Variants in SUGCT observed in about 807,000 individuals in gnomAD.
The protein encoded by SUGCT is succinyl-CoA:glutarate-CoA transferase, also known as succinyl-CoA:glutarate CoA-transferase.
SUGCT carries 41 observed loss-of-function variants against 55.0 expected under a neutral mutation model. The observed-to-expected ratio is 0.74, with a 90% CI of 0.58 to 0.97. The LOEUF (loss-of-function observed/expected upper bound fraction) is 0.97. Ranked by LOEUF, SUGCT falls within the 50% of genes least tolerant of loss-of-function variation. The pLI, the probability that SUGCT is intolerant of heterozygous loss-of-function variation, is 0.00. For synonymous variants in SUGCT, 187 were observed against 200.4 expected (o/e 0.93, Z 0.56); for missense variants, 568 against 547.8 (o/e 1.04, Z -0.37).
intron 9 of SUGCT, among the ~76,000 whole-genome samples, chr7:40,403,220 T>A (rs1786176979): frequency 6.6e-6 from 1 of 152,200 alleles, no homozygotes; most frequent in East Asian, 1.9e-4. Context: ...AAAATGCAAG[T>A]GCTTTTGTTG....
chr7:40,582,598 C>T (rs556451686), intron 12 of SUGCT, among the ~76,000 whole-genome samples: 1 of 152,266 alleles, frequency 6.6e-6, no homozygotes, highest in East Asian at 1.9e-4. Flanking sequence ...GAGTTCCTTT[C>T]TTCGTATGCT....
intron 9 of SUGCT, among the ~76,000 whole-genome samples, chr7:40,401,087 T>G (rs1358974201): frequency 1.3e-5 from 2 of 152,192 alleles, no homozygotes; most frequent in Non-Finnish European, 2.9e-5. Flanking sequence ...TCTTAACTTT[T>G]GAGATTAAGG....
the SUGCT span, chr7:40,967,275 G>C: frequency 1.3e-5 from 2 of 152,220 alleles, no homozygotes; most frequent in Non-Finnish European, 2.9e-5. Flanking sequence ...CAGAGGCAGG[G>C]ATGTTATCCT....
At chr7:40,844,590 G>A (rs1402357603) in intron 13 of SUGCT, among the ~76,000 whole-genome samples, 3 of 152,124 alleles carry the variant, frequency 2.0e-5, no homozygotes, top group Non-Finnish European at 4.4e-5. Context: ...GTTTTTATGG[G>A]TACAGGGTTG....
At chr7:40,839,179 A>C (rs1584516171) in intron 13 of SUGCT, among the ~76,000 whole-genome samples, 1 of 152,162 alleles carries the variant, frequency 6.6e-6, no homozygotes, top group Non-Finnish European at 1.5e-5. Context: ...ATTTTTAGAC[A>C]TAAGATTATG....
intron 12 of SUGCT, among the ~76,000 whole-genome samples, chr7:40,626,201 C>G (rs1183041663): frequency 6.6e-6 from 1 of 152,058 alleles, no homozygotes; most frequent in Non-Finnish European, 1.5e-5. Flanking sequence ...AAGCTTCCCC[C>G]AGACTCTGTG....
intron 12 of SUGCT, 91 bp downstream of exon 12, chr7:40,496,477 C>A (rs1347485838): frequency 9.3e-6 from 8 of 864,604 alleles, no homozygotes; most frequent in African/African-American, 1.7e-5. Flanking sequence ...GCTTAAGTCA[C>A]ATGATGTGAA....
At chr7:40,942,616 G>A in the SUGCT span, among the ~76,000 whole-genome samples, 3 of 152,032 alleles carry the variant, frequency 2.0e-5, no homozygotes, top group Non-Finnish European at 2.9e-5. Flanking sequence ...CTCCAGCAAC[G>A]CCCAGGAGGT....
chr7:40,460,768 A>G (rs1375645312), intron 11 of SUGCT, among the ~76,000 whole-genome samples: 1 of 152,222 alleles, frequency 6.6e-6, no homozygotes, highest in African/African-American at 2.4e-5. Flanking sequence ...TGAATTATAT[A>G]ATCTGCAACC....
chr7:40,458,504 G>A (rs1789607728), intron 10 of SUGCT, among the ~76,000 whole-genome samples: 3 of 152,208 alleles, frequency 2.0e-5, no homozygotes, highest in South Asian at 4.1e-4. Context: ...TCTATAGGAA[G>A]AAGATCTTTT....
intron 7 of SUGCT, among the ~76,000 whole-genome samples, chr7:40,242,977 C>T (rs1271622574): frequency 1.1e-5 from 1 of 92,432 alleles, no homozygotes; most frequent in African/African-American, 4.2e-5. Context: ...CAAGGTCTCA[C>T]TCTGTTGCCC....
intron 12 of SUGCT, among the ~76,000 whole-genome samples, chr7:40,497,631 A>G (rs575905789): frequency 8.0e-4 from 122 of 152,294 alleles, no homozygotes; most frequent in African/African-American, 2.8e-3. Flanking sequence ...CTCTGAATAT[A>G]GTAGACCAGG....
intron 12 of SUGCT, among the ~76,000 whole-genome samples, chr7:40,643,990 C>G (rs1256552083): frequency 6.6e-6 from 1 of 152,140 alleles, no homozygotes. Context: ...GCGTCTGCCT[C>G]TGGAAAACCT....
chr7:40,662,788 T>A (rs1419179726), intron 12 of SUGCT, among the ~76,000 whole-genome samples: 1 of 152,222 alleles, frequency 6.6e-6, no homozygotes, highest in African/African-American at 2.4e-5. Context: ...GATCTCAACA[T>A]ATTTTATATT....
At chr7:40,390,739 C>T (rs1402516741) in intron 9 of SUGCT, among the ~76,000 whole-genome samples, 1 of 152,160 alleles carries the variant, frequency 6.6e-6, no homozygotes, top group African/African-American at 2.4e-5. Context: ...ATGCCATCCC[C>T]ATCAAGCTAC....
chr7:40,537,562 A>C (rs923201387), intron 12 of SUGCT, among the ~76,000 whole-genome samples: 1 of 152,226 alleles, frequency 6.6e-6, no homozygotes, highest in South Asian at 2.1e-4. Context: ...AGGCAAAGTC[A>C]CATGTGCTTG....
intron 9 of SUGCT, among the ~76,000 whole-genome samples, chr7:40,326,674 G>A (rs1038462042): frequency 1.3e-5 from 2 of 152,182 alleles, no homozygotes; most frequent in Non-Finnish European, 1.5e-5. Context: ...GGAGAATCAT[G>A]TATGGCAGCA....
chr7:40,804,211 T>C (rs1563015036), intron 13 of SUGCT, among the ~76,000 whole-genome samples: 2 of 152,130 alleles, frequency 1.3e-5, no homozygotes, highest in Admixed American at 6.6e-5. Context: ...AAATATAACA[T>C]TGGGCATAAA....
At chr7:40,405,754 G>A (rs559316627) in intron 9 of SUGCT, among the ~76,000 whole-genome samples, 1 of 146,920 alleles carries the variant, frequency 6.8e-6, no homozygotes, top group African/African-American at 2.5e-5. Context: ...AGGTTGCAGT[G>A]AGCGGAGATA....
Sources: gnomAD v4.1 joint callset for allele counts (sites outside exome capture counted in the v4.1 genomes callset) on GRCh38, gnomAD v4.1.1 for gene constraint, MANE v1.5 for transcripts, NCBI Gene and HGNC (gene_info 2026-07-23, HGNC 2026-07-21) for gene names.